GPR158: variants seen among roughly 807,000 people sequenced by gnomAD.
GPR158 encodes G protein-coupled receptor 158.
GPR158 carries 30 observed loss-of-function variants against 78.2 expected under a neutral mutation model. That is an observed-to-expected ratio of 0.38 (90% confidence interval 0.29 to 0.52). GPR158 has a LOEUF of 0.52. GPR158 is among the 20% of genes least tolerant of loss of function. GPR158 has a pLI of 0.83. For synonymous variants in GPR158, 581 were observed against 591.1 expected, an observed-to-expected ratio of 0.98 and a Z score of 0.25; for missense variants, 1,463 against 1,523.5, an observed-to-expected ratio of 0.96 and a Z score of 0.66.
At chr10:25,304,017 T>G (rs1383623726) in intron 2 of GPR158, among the ~76,000 whole-genome samples, 4 of 152,176 alleles carry the variant, frequency 2.6e-5, no homozygotes, top group African/African-American at 9.7e-5. Context: ...TATGAAGAGG[T>G]GATTCAGTTG....
chr10:25,217,885 T>C (rs964374490), intron 1 of GPR158, among the ~76,000 whole-genome samples: 3 of 152,144 alleles, frequency 2.0e-5, no homozygotes, highest in African/African-American at 7.2e-5. Context: ...TTACACGCTT[T>C]TTTTTTGACC....
intron 1 of GPR158, among the ~76,000 whole-genome samples, chr10:25,182,994 G>C (rs1564384700): frequency 6.6e-6 from 1 of 152,210 alleles, no homozygotes; most frequent in Non-Finnish European, 1.5e-5. Flanking sequence ...TCTGCAGCCA[G>C]CAGCGTTGTG....
intron 2 of GPR158, among the ~76,000 whole-genome samples, chr10:25,379,158 A>G (rs751145917): frequency 1.3e-5 from 2 of 152,122 alleles, no homozygotes; most frequent in Non-Finnish European, 2.9e-5. Flanking sequence ...TATTATTACT[A>G]TTACCATCTT....
chr10:25,441,959 C>T (rs537941635), intron 4 of GPR158, among the ~76,000 whole-genome samples: 8 of 152,172 alleles, frequency 5.3e-5, no homozygotes, highest in South Asian at 4.1e-4. Flanking sequence ...AGTTTAAGGG[C>T]GTTTGAAACT....
chr10:25,285,921 TC>T (rs201148051), intron 2 of GPR158, among the ~76,000 whole-genome samples: 1,829 of 152,338 alleles, frequency 0.012, 27 homozygotes, highest in South Asian at 0.057. Context: ...GTTGACGTTT[TC>T]CTTTTCTTTC....
intron 2 of GPR158, among the ~76,000 whole-genome samples, chr10:25,227,459 C>T (rs575514912): frequency 1.3e-5 from 2 of 152,322 alleles, no homozygotes; most frequent in African/African-American, 4.8e-5. Context: ...CTGTTTCCAT[C>T]ACTGTCTCAT....
chr10:25,388,278 C>T (rs2887084), intron 2 of GPR158, among the ~76,000 whole-genome samples: 14,834 of 152,238 alleles, frequency 0.097, 806 homozygotes, highest in South Asian at 0.22. Flanking sequence ...GAGGTGAGAG[C>T]GGTGGCAGCA....
chr10:25,479,037 A>G (rs567148219), intron 5 of GPR158, among the ~76,000 whole-genome samples: 5 of 152,014 alleles, frequency 3.3e-5, no homozygotes, highest in Middle Eastern at 3.4e-3. Flanking sequence ...TCTTAATCCA[A>G]TCTATCATTG....
chr10:25,376,920 G>T (rs963505286), intron 2 of GPR158, among the ~76,000 whole-genome samples: 1 of 151,312 alleles, frequency 6.6e-6, no homozygotes, highest in Non-Finnish European at 1.5e-5. Context: ...GATTATATAT[G>T]TAAAATTATA....
chr10:25,451,927 G>C (rs960824134), intron 4 of GPR158, among the ~76,000 whole-genome samples: 1 of 152,124 alleles, frequency 6.6e-6, no homozygotes, highest in African/African-American at 2.4e-5. Context: ...TAGCAATGCT[G>C]GATATACTTC....
chr10:25,517,424 G>A (rs2130677402), intron 5 of GPR158, among the ~76,000 whole-genome samples: 1 of 152,186 alleles, frequency 6.6e-6, no homozygotes, highest in South Asian at 2.1e-4. Context: ...TAGGAGTGGT[G>A]AGAGAGGGCA....
At chr10:25,226,803 G>A (rs1853378394) in intron 2 of GPR158, among the ~76,000 whole-genome samples, 1 of 152,186 alleles carries the variant, frequency 6.6e-6, no homozygotes, top group East Asian at 1.9e-4. Context: ...TTGTTAGATG[G>A]CCTCCCTCTA....
chr10:25,565,823 A>G (rs1051925403), intron 6 of GPR158, among the ~76,000 whole-genome samples: 2 of 152,128 alleles, frequency 1.3e-5, no homozygotes, highest in African/African-American at 4.8e-5. Flanking sequence ...TGATAGAGAC[A>G]GGGGACCGAG....
At chr10:25,286,049 G>A (rs1033543348) in intron 2 of GPR158, among the ~76,000 whole-genome samples, 8 of 151,968 alleles carry the variant, frequency 5.3e-5, no homozygotes, top group Non-Finnish European at 8.8e-5. Context: ...CTCTGGTGAC[G>A]TTCAATATTT....
At chr10:25,284,284 G>A (rs111403464) in intron 2 of GPR158, among the ~76,000 whole-genome samples, 1,825 of 151,988 alleles carry the variant, frequency 0.012, 27 homozygotes, top group South Asian at 0.058. Flanking sequence ...TTCAAATATT[G>A]ATATTTTGAA....
intron 2 of GPR158, among the ~76,000 whole-genome samples, chr10:25,307,716 C>A (rs888132832): frequency 6.6e-6 from 1 of 152,102 alleles, no homozygotes; most frequent in Non-Finnish European, 1.5e-5. Flanking sequence ...GAAAATAATT[C>A]TCTATCAGTT....
intron 2 of GPR158, among the ~76,000 whole-genome samples, chr10:25,274,236 A>G (rs1306544074): frequency 1.3e-5 from 2 of 152,170 alleles, no homozygotes; most frequent in Non-Finnish European, 2.9e-5. Context: ...TTTTCCTCCT[A>G]TCTACAGAAA....
chr10:25,267,212 A>G (rs1204861547), intron 2 of GPR158, among the ~76,000 whole-genome samples: 1 of 152,144 alleles, frequency 6.6e-6, no homozygotes, highest in African/African-American at 2.4e-5. Context: ...AAGAGTGGGT[A>G]ATTTTTAAAG....
chr10:25,411,667 G>A (rs997004646), intron 3 of GPR158, among the ~76,000 whole-genome samples: 8 of 152,030 alleles, frequency 5.3e-5, no homozygotes, highest in Admixed American at 3.9e-4. Context: ...CAGGTGCGGT[G>A]GCTCACACCT....
Sources: allele counts gnomAD v4.1 joint callset (sites outside exome capture counted in the v4.1 genomes callset), GRCh38; gene constraint gnomAD v4.1.1; transcripts MANE v1.5; gene names NCBI Gene and HGNC (gene_info 2026-07-23, HGNC 2026-07-21).